DOCK7: variants seen among roughly 807,000 people sequenced by gnomAD.
DOCK7 encodes the protein dedicator of cytokinesis 7, also known as dedicator of cytokinesis protein 7.
Under a neutral mutation model 271.0 loss-of-function variants are expected in DOCK7, and 138 were observed. The ratio of observed to expected loss-of-function variants is 0.51; its 90% CI spans 0.44 to 0.59. The LOEUF (loss-of-function observed/expected upper bound fraction) is 0.59. Ranked by LOEUF, DOCK7 falls within the 20% of genes least tolerant of loss-of-function variation. The probability of loss-of-function intolerance (pLI) is 0.00; values close to 1 mark genes in which losing one functional copy is unlikely to be tolerated. For synonymous variants in DOCK7, 823 were observed against 876.1 expected, an observed-to-expected ratio of 0.94 and a Z score of 1.07; for missense variants, 2,066 against 2,592.4, an observed-to-expected ratio of 0.80 and a Z score of 4.41.
At chr1:62,613,676 T>C (rs1197884788) in intron 14 of DOCK7, among the ~76,000 whole-genome samples, 2 of 152,144 alleles carry the variant, frequency 1.3e-5, no homozygotes, top group African/African-American at 2.4e-5. Context: ...CAGAATACAG[T>C]TCTCTTTCCT....
chr1:62,673,578 G>A (rs1168125), intron 1 of DOCK7, among the ~76,000 whole-genome samples: 149,999 of 152,324 alleles, frequency 0.98, 73,898 homozygotes, highest in Middle Eastern at 1. Flanking sequence ...TACTGCAAAA[G>A]GTCAATCCTC....
intron 43 of DOCK7, among the ~76,000 whole-genome samples, chr1:62,480,873 G>A (rs1194368259): frequency 2.0e-5 from 3 of 152,108 alleles, no homozygotes; most frequent in African/African-American, 4.8e-5. Flanking sequence ...GCCTGGCGCC[G>A]TGGCGGGTGC....
intron 7 of DOCK7, among the ~76,000 whole-genome samples, chr1:62,639,075 G>A (rs1364918190): frequency 2.0e-5 from 3 of 152,044 alleles, no homozygotes; most frequent in Admixed American, 2.0e-4. Context: ...CTACTCCAGT[G>A]CTCTAGTTGT....
chr1:62,484,119 T>C (rs1646223494), intron 43 of DOCK7: 1 of 152,204 alleles, frequency 6.6e-6, no homozygotes, highest in African/African-American at 2.4e-5. Flanking sequence ...CAGAAGCCAC[T>C]GAGCCAGAAC....
chr1:62,563,441 A>C (rs530045598), intron 18 of DOCK7, among the ~76,000 whole-genome samples: 114 of 152,352 alleles, frequency 7.5e-4, no homozygotes, highest in African/African-American at 2.6e-3. Context: ...AGACCCGACA[A>C]GGATTTTAAA....
intron 1 of DOCK7, among the ~76,000 whole-genome samples, chr1:62,671,507 T>C (rs1660001340): frequency 6.6e-6 from 1 of 152,006 alleles, no homozygotes; most frequent in East Asian, 1.9e-4. Flanking sequence ...TATAAGAATT[T>C]AGAGAGAGGA....
intron 14 of DOCK7, among the ~76,000 whole-genome samples, chr1:62,591,260 A>G (rs1359430023): frequency 6.6e-6 from 1 of 152,220 alleles, no homozygotes; most frequent in Admixed American, 6.5e-5. Context: ...AGAAAACCAA[A>G]TACTGCATGT....
At chr1:62,615,027 G>C (rs776402319) in intron 14 of DOCK7, among the ~76,000 whole-genome samples, 3 of 151,706 alleles carry the variant, frequency 2.0e-5, no homozygotes, top group Non-Finnish European at 4.4e-5. Context: ...TCCTAAAAAT[G>C]AAACATGGTT....
chr1:62,519,784 T>A (rs1358844753), intron 31 of DOCK7, among the ~76,000 whole-genome samples: 1 of 151,980 alleles, frequency 6.6e-6, no homozygotes, highest in Non-Finnish European at 1.5e-5. Context: ...TTAAAAAAAA[T>A]GCCTGTATAG....
chr1:62,532,536 T>C (rs1645206628), intron 29 of DOCK7, among the ~76,000 whole-genome samples: 1 of 152,312 alleles, frequency 6.6e-6, no homozygotes, highest in East Asian at 1.9e-4. Flanking sequence ...GGTCTCACTA[T>C]GTTGCCTAGG....
chr1:62,459,233 G>A (rs1041333390), intron 48 of DOCK7: 1 of 150,374 alleles, frequency 6.7e-6, no homozygotes, highest in Non-Finnish European at 1.5e-5. Context: ...AGGCAGAGAG[G>A]ATATAATGTA....
At chr1:62,659,961 A>T (rs1658478581) in intron 2 of DOCK7, among the ~76,000 whole-genome samples, 1 of 152,232 alleles carries the variant, frequency 6.6e-6, no homozygotes, top group Non-Finnish European at 1.5e-5. Flanking sequence ...TGAAAGAAGA[A>T]ATAAGACATA....
At chr1:62,463,595 C>A (rs950735686) in intron 48 of DOCK7, among the ~76,000 whole-genome samples, 2 of 152,252 alleles carry the variant, frequency 1.3e-5, no homozygotes, top group East Asian at 3.9e-4. Context: ...ATGAATAAAT[C>A]ATGGCATATT....
intron 48 of DOCK7, among the ~76,000 whole-genome samples, chr1:62,462,440 T>TTA (rs1471013129): frequency 3.9e-5 from 6 of 152,170 alleles, no homozygotes; most frequent in East Asian, 1.9e-4. Flanking sequence ...GAAAGAGAGA[T>TTA]AAATAGAGTA....
At position 62,523,623 on chromosome 1, in the gene DOCK7, C is replaced by A. The variant is rs1051816506; in HGVS notation, c.3936+4528G>T. Among the ~76,000 whole-genome samples the A allele has an allele frequency of 3.3e-5, 5 of 152,320 alleles. No homozygotes were observed. In the South Asian group the frequency reaches 1.0e-3, roughly 32 times the overall value. On this transcript the variant is annotated intron_variant, in intron 31 of 49. Coordinates refer to ENST00000635253, the MANE Select transcript of DOCK7 (RefSeq NM_001367561.1). ...GTGGCTCACGCCTGTAATGCCAGCACTTTGAGAGGTCGAGATGGGCAGATC... is the reference window on the plus strand; with the variant it reads ...GTGGCTCACGCCTGTAATGCCAGCAATTTGAGAGGTCGAGATGGGCAGATC...
At chr1:62,494,569 GT>G in intron 39 of DOCK7, 102 bp from the exon 40 acceptor site, 1 of 998,842 alleles carries the variant, frequency 1.0e-6, no homozygotes, top group African/African-American at 1.6e-5. Flanking sequence ...TTTTGATACT[GT>G]GCACAACCTA....
chr1:62,507,121 T>C (rs77729344), intron 35 of DOCK7, among the ~76,000 whole-genome samples: 4,603 of 151,952 alleles, frequency 0.03, 165 homozygotes, highest in African/African-American at 0.084. Context: ...AAAATACTTT[T>C]AAAGGAAAAT....
chr1:62,492,071 T>C (rs1017213196), intron 41 of DOCK7, among the ~76,000 whole-genome samples: 8 of 151,754 alleles, frequency 5.3e-5, no homozygotes, highest in African/African-American at 1.9e-4. Context: ...ATTAGCCAGG[T>C]GTGATGGTGT....
intron 16 of DOCK7, among the ~76,000 whole-genome samples, chr1:62,582,719 TC>T (rs1288041516): frequency 6.6e-6 from 1 of 151,332 alleles, no homozygotes; most frequent in Non-Finnish European, 1.5e-5. Flanking sequence ...TATTCAATAA[TC>T]CCCCCAAAAG....
Sources: allele counts gnomAD v4.1 joint callset (sites outside exome capture counted in the v4.1 genomes callset), GRCh38; gene constraint gnomAD v4.1.1; transcripts MANE v1.5; gene names NCBI Gene and HGNC (gene_info 2026-07-23, HGNC 2026-07-21).